Variants in PACRG observed in about 807,000 individuals in gnomAD.
The protein encoded by PACRG is parkin coregulated gene protein.
A neutral mutation model predicts 29.7 loss-of-function variants in PACRG; 29 were observed. The observed-to-expected ratio is 0.98, with a 90% CI of 0.73 to 1.33. The LOEUF (loss-of-function observed/expected upper bound fraction) is 1.33, where lower values mean the gene tolerates loss of function less well. Among genes scored for constraint, PACRG ranks in the 40% most tolerant of loss-of-function variants. PACRG has a pLI of 0.00. For missense variants in PACRG, 279 were observed against 316.2 expected, an observed-to-expected ratio of 0.88 and a Z score of 0.89; for synonymous variants, 116 against 118.7, an observed-to-expected ratio of 0.98 and a Z score of 0.15.
chr6:163,049,459 A>G (rs1356548155), intron 2 of PACRG, among the ~76,000 whole-genome samples: 5 of 152,094 alleles, frequency 3.3e-5, no homozygotes, highest in African/African-American at 1.2e-4. Context: ...TGGGGGAAAT[A>G]TTCCCAATGA....
chr6:162,796,665 C>T (rs1785405800), intron 1 of PACRG, among the ~76,000 whole-genome samples: 1 of 151,714 alleles, frequency 6.6e-6, no homozygotes, highest in Admixed American at 6.6e-5. Flanking sequence ...TAGTTCCATG[C>T]TCTAAATCCT....
intron 2 of PACRG, among the ~76,000 whole-genome samples, chr6:162,880,431 A>G (rs531989941): frequency 4.8e-4 from 73 of 152,316 alleles, no homozygotes; most frequent in Admixed American, 9.1e-4. Flanking sequence ...CTTATTATAG[A>G]AAGAGCAAAG....
chr6:163,108,628 A>T (rs1304878233), intron 4 of PACRG, among the ~76,000 whole-genome samples: 1 of 151,672 alleles, frequency 6.6e-6, no homozygotes, highest in Non-Finnish European at 1.5e-5. Context: ...GCCTCAAGTG[A>T]TCCACCCACC....
chr6:163,269,990 AGAAAGAAAGAAAGAAAGGAG>A lies in PACRG; in HGVS notation c.614-44835_614-44816del, dbSNP rs1562350530. 3.1e-4 allele frequency among the ~76,000 whole-genome samples: 35 copies of A among 112,866 alleles called. 3 individuals carry two copies. The South Asian group carries it at 4.6e-3, about 15-fold the overall frequency. The allele number at this position is 112,866 out of a possible 152,430, so 74.0% of individuals were successfully genotyped here. A position where few individuals can be genotyped will look rare whatever the true frequency, so the allele number is the denominator to read the frequency against. ...AAGAAAGAAAGAAAGAAAGAAAGAA[AGAAAGAAAGAAAGAAAGGAG>A]GGAGGGAGGGAGGGAGGAAGGAAGG... is the stretch of plus-strand genomic sequence containing the variant. On this transcript the variant is annotated intron_variant, in intron 4 of 4. Coordinates refer to ENST00000366888, the MANE Select transcript of PACRG (RefSeq NM_001080379.2).
intron 4 of PACRG, chr6:163,100,868 TC>T (rs1815043650): frequency 1.0e-6 from 1 of 983,632 alleles, no homozygotes. Context: ...ATTGATATTT[TC>T]TTGCTTGCCT....
At chr6:162,785,056 T>C (rs1784354685) in intron 1 of PACRG, among the ~76,000 whole-genome samples, 1 of 152,118 alleles carries the variant, frequency 6.6e-6, no homozygotes, top group Admixed American at 6.5e-5. Flanking sequence ...AACAGACTCA[T>C]CCCTGCAGCC....
chr6:163,228,444 C>T (rs977968121), intron 4 of PACRG, among the ~76,000 whole-genome samples: 3 of 148,314 alleles, frequency 2.0e-5, no homozygotes, highest in Non-Finnish European at 4.4e-5. Flanking sequence ...TGGCACACAG[C>T]GGAGGCTCAA....
intron 4 of PACRG, among the ~76,000 whole-genome samples, chr6:163,202,196 G>A (rs985292159): frequency 1.6e-4 from 24 of 152,136 alleles, no homozygotes; most frequent in South Asian, 1.0e-3. Context: ...TGGTGCTTCC[G>A]TGTCCACTGG....
intron 4 of PACRG, among the ~76,000 whole-genome samples, chr6:163,225,599 C>T (rs192147955): frequency 1.9e-4 from 29 of 152,288 alleles, no homozygotes; most frequent in Admixed American, 1.8e-3. Context: ...GACCCTTACG[C>T]ACTGTTAGTG....
At chr6:162,875,225 ACACAGACATG>A (rs1432644751) in intron 2 of PACRG, among the ~76,000 whole-genome samples, 2 of 151,984 alleles carry the variant, frequency 1.3e-5, no homozygotes, top group South Asian at 2.1e-4. Flanking sequence ...ACACATGCAC[ACACAGACATG>A]CACAGACATT....
At chr6:162,857,853 C>G (rs1480868486) in intron 2 of PACRG, among the ~76,000 whole-genome samples, 1 of 151,630 alleles carries the variant, frequency 6.6e-6, no homozygotes, top group Non-Finnish European at 1.5e-5. Context: ...TTAAATGCAA[C>G]TGTGTTACCT....
At chr6:162,811,863 A>G (rs1026036981) in intron 1 of PACRG, among the ~76,000 whole-genome samples, 3 of 152,150 alleles carry the variant, frequency 2.0e-5, no homozygotes, top group African/African-American at 7.2e-5. Flanking sequence ...TTCAGCTCCA[A>G]TAAGCATTTC....
intron 4 of PACRG, among the ~76,000 whole-genome samples, chr6:163,291,467 G>A (rs1378554137): frequency 1.3e-5 from 2 of 152,220 alleles, no homozygotes; most frequent in African/African-American, 4.8e-5. Flanking sequence ...GCCCGAGCTG[G>A]CCTGCGGGGC....
intron 4 of PACRG, among the ~76,000 whole-genome samples, chr6:163,268,405 A>AAAAAAAAAAAAAAAAAAG (rs71008143): frequency 1.4e-5 from 2 of 143,692 alleles, no homozygotes; most frequent in Non-Finnish European, 3.1e-5. Flanking sequence ...GTCTCAAAGA[A>AAAAAAAAAAAAAAAAAAG]AAAAAAAAAG....
chr6:162,865,168 A>G (rs1309496852), intron 2 of PACRG, among the ~76,000 whole-genome samples: 1 of 152,200 alleles, frequency 6.6e-6, no homozygotes. Flanking sequence ...TGCGGCTCTC[A>G]ATGATAATTG....
intron 4 of PACRG, among the ~76,000 whole-genome samples, chr6:163,231,536 G>A (rs2128163810): frequency 6.6e-6 from 1 of 152,264 alleles, no homozygotes; most frequent in African/African-American, 2.4e-5. Flanking sequence ...CCATACAGAT[G>A]GATCAGCAAC....
At chr6:162,885,625 G>A (rs6919926) in intron 2 of PACRG, among the ~76,000 whole-genome samples, 24,471 of 152,106 alleles carry the variant, frequency 0.16, 2,102 homozygotes, top group Middle Eastern at 0.2. Context: ...TGTATTGATC[G>A]TTGATGAAAA....
chr6:163,246,441 C>A (rs926782942), intron 4 of PACRG, among the ~76,000 whole-genome samples: 1 of 152,198 alleles, frequency 6.6e-6, no homozygotes, highest in Non-Finnish European at 1.5e-5. Context: ...TCTAAGTGAT[C>A]CAGACCTACA....
chr6:163,005,775 T>A (rs924365257), intron 2 of PACRG, among the ~76,000 whole-genome samples: 3 of 149,458 alleles, frequency 2.0e-5, no homozygotes, highest in African/African-American at 7.3e-5. Context: ...TATATATATA[T>A]AAAACGTAGT....
Sources: allele counts gnomAD v4.1 joint callset (sites outside exome capture counted in the v4.1 genomes callset), GRCh38; gene constraint gnomAD v4.1.1; transcripts MANE v1.5; gene names NCBI Gene and HGNC (gene_info 2026-07-23, HGNC 2026-07-21).